MCC: variants seen among roughly 807,000 people sequenced by gnomAD.
MCC encodes colorectal mutant cancer protein.
Under a neutral mutation model 116.2 loss-of-function variants are expected in MCC, and 90 were observed. The observed-to-expected ratio is 0.77, with a 90% confidence interval of 0.65 to 0.92. The LOEUF (loss-of-function observed/expected upper bound fraction) is 0.92, where lower values mean the gene tolerates loss of function less well. Among genes scored for constraint, MCC ranks in the 40% least tolerant of loss-of-function variants. The pLI, the probability that MCC is intolerant of heterozygous loss-of-function variation, is 0.00. For missense variants in MCC, 1,516 were observed against 1,312.2 expected (o/e 1.16, Z -2.40); for synonymous variants, 578 against 510.5 (o/e 1.13, Z -1.78).
At chr5:113,129,811 C>T (rs1213472903) in intron 5 of MCC, among the ~76,000 whole-genome samples, 6 of 152,110 alleles carry the variant, frequency 3.9e-5, no homozygotes, top group Non-Finnish European at 7.4e-5. Context: ...GTTAGAATGG[C>T]GATCATTAAA....
chr5:113,413,719 C>T (rs1382179672), intron 1 of MCC, among the ~76,000 whole-genome samples: 1 of 152,142 alleles, frequency 6.6e-6, no homozygotes, highest in Non-Finnish European at 1.5e-5. Flanking sequence ...TTTCAAAAAA[C>T]CAGCTCTTGG....
intron 1 of MCC, among the ~76,000 whole-genome samples, chr5:113,430,565 G>A (rs1770604863): frequency 6.6e-6 from 1 of 152,218 alleles, no homozygotes; most frequent in Non-Finnish European, 1.5e-5. Context: ...AAACAGGAAG[G>A]ACAATTCCTC....
chr5:113,208,270 T>C (rs971767801), intron 3 of MCC, among the ~76,000 whole-genome samples: 1 of 152,142 alleles, frequency 6.6e-6, no homozygotes, highest in Admixed American at 6.5e-5. Context: ...AGCTGGATAA[T>C]TAGTTCAAAT....
intron 1 of MCC, among the ~76,000 whole-genome samples, chr5:113,398,669 G>T (rs1376076078): frequency 6.6e-6 from 1 of 152,160 alleles, no homozygotes; most frequent in African/African-American, 2.4e-5. Flanking sequence ...TAGACACTTG[G>T]GAGCTACTAC....
chr5:113,121,671 G>C (rs577512635), intron 6 of MCC, among the ~76,000 whole-genome samples: 66 of 152,186 alleles, frequency 4.3e-4, no homozygotes, highest in African/African-American at 1.6e-3. Context: ...ACCCAAATAT[G>C]TAATATTTGA....
intron 1 of MCC, among the ~76,000 whole-genome samples, chr5:113,486,616 G>A (rs775491985): frequency 6.6e-6 from 1 of 152,138 alleles, no homozygotes; most frequent in Non-Finnish European, 1.5e-5. Flanking sequence ...GGCCGAGGCG[G>A]GCGGATCACT....
intron 3 of MCC, among the ~76,000 whole-genome samples, chr5:113,189,132 C>G (rs545456062): frequency 6.6e-6 from 1 of 152,238 alleles, no homozygotes; most frequent in African/African-American, 2.4e-5. Context: ...GCTTCAAGCC[C>G]GTGTTCACAA....
At chr5:113,156,868 A>G (rs1376919871) in intron 3 of MCC, among the ~76,000 whole-genome samples, 1 of 152,226 alleles carries the variant, frequency 6.6e-6, no homozygotes, top group Non-Finnish European at 1.5e-5. Flanking sequence ...TGGATAAAAC[A>G]TAACTTGAGT....
chr5:113,080,971 C>A (rs887805835), intron 11 of MCC, among the ~76,000 whole-genome samples: 2 of 152,074 alleles, frequency 1.3e-5, no homozygotes, highest in African/African-American at 4.8e-5. Flanking sequence ...GAGCAGGGAC[C>A]CTTTCTGTTT....
chr5:113,137,959 C>T (rs1398943249), intron 5 of MCC, among the ~76,000 whole-genome samples: 1 of 152,102 alleles, frequency 6.6e-6, no homozygotes, highest in African/African-American at 2.4e-5. Context: ...CTACATTACC[C>T]TGTAGCTATA....
chr5:113,183,564 G>A (rs1761735260), intron 3 of MCC, among the ~76,000 whole-genome samples: 1 of 152,074 alleles, frequency 6.6e-6, no homozygotes, highest in Admixed American at 6.5e-5. Flanking sequence ...CCTGGAAGGG[G>A]ACATTCATTG....
chr5:113,058,350 T>C (rs1371499274), intron 14 of MCC, among the ~76,000 whole-genome samples: 1 of 152,206 alleles, frequency 6.6e-6, no homozygotes, highest in Non-Finnish European at 1.5e-5. Context: ...GGTCCCGGGC[T>C]GGCCGCATCA....
chr5:113,365,574 T>A (rs1768666107), intron 2 of MCC, among the ~76,000 whole-genome samples: 2 of 152,190 alleles, frequency 1.3e-5, no homozygotes, highest in Non-Finnish European at 2.9e-5. Context: ...TACTTCCACA[T>A]TTTCAGGTAT....
chr5:113,147,559 T>C (rs1235250344), intron 4 of MCC, among the ~76,000 whole-genome samples: 3 of 152,210 alleles, frequency 2.0e-5, no homozygotes, highest in African/African-American at 7.2e-5. Flanking sequence ...TGAAGGGGGT[T>C]AGTACCACTC....
At chr5:113,436,450 T>C (rs1407791674) in intron 1 of MCC, 2 of 152,188 alleles carry the variant, frequency 1.3e-5, no homozygotes, top group African/African-American at 4.8e-5. Context: ...TCATCATCCC[T>C]CCTCCCTTCA....
intron 3 of MCC, among the ~76,000 whole-genome samples, chr5:113,337,094 G>A (rs1224903402): frequency 6.6e-6 from 1 of 152,180 alleles, no homozygotes; most frequent in Non-Finnish European, 1.5e-5. Flanking sequence ...AGGAAGAAGG[G>A]AACTCAGCTT....
chr5:113,034,153 C>T (rs1751162137), intron 17 of MCC, among the ~76,000 whole-genome samples: 1 of 149,686 alleles, frequency 6.7e-6, no homozygotes, highest in African/African-American at 2.4e-5. Flanking sequence ...TCCCACCTTG[C>T]CCTCCCAAAA....
intron 3 of MCC, among the ~76,000 whole-genome samples, chr5:113,221,835 T>A (rs1417323915): frequency 2.7e-5 from 4 of 150,472 alleles, no homozygotes; most frequent in African/African-American, 9.8e-5. Flanking sequence ...ACTGTGATCC[T>A]CGAACATTTG....
intron 1 of MCC, among the ~76,000 whole-genome samples, chr5:113,443,991 T>TTGCGTGTGTGTG (rs1554084181): frequency 1.4e-5 from 2 of 143,986 alleles, no homozygotes; most frequent in Non-Finnish European, 3.0e-5. Flanking sequence ...CTCGGCTAAT[T>TTGCGTGTGTGTG]TGTGTGTGTG....
Sources: allele counts gnomAD v4.1 joint callset (sites outside exome capture counted in the v4.1 genomes callset), GRCh38; gene constraint gnomAD v4.1.1; transcripts MANE v1.5; gene names NCBI Gene and HGNC (gene_info 2026-07-23, HGNC 2026-07-21).